Variants in CNTN4 observed in about 807,000 individuals in gnomAD.
CNTN4 encodes the protein contactin 4.
Under a neutral mutation model 122.5 loss-of-function variants are expected in CNTN4, and 77 were observed. The observed-to-expected ratio is 0.63, with a 90% CI of 0.52 to 0.76. The LOEUF (loss-of-function observed/expected upper bound fraction) is 0.76, where lower values mean the gene tolerates loss of function less well. Ranked by LOEUF, CNTN4 falls within the 30% of genes least tolerant of loss-of-function variation. CNTN4 has a pLI of 0.00. For synonymous variants in CNTN4, 512 were observed against 447.0 expected (o/e 1.15, Z -1.83); for missense variants, 1,256 against 1,259.1 (o/e 1.00, Z 0.04).
At chr3:2,917,009 A>G (rs189157744) in intron 12 of CNTN4, among the ~76,000 whole-genome samples, 2,009 of 125,230 alleles carry the variant, frequency 0.016, 419 homozygotes, top group East Asian at 0.074. Flanking sequence ...CAGCCTGGGC[A>G]CCATTGAGCA....
At chr3:2,103,947 C>A (rs752106564) in intron 2 of CNTN4, among the ~76,000 whole-genome samples, 1 of 152,024 alleles carries the variant, frequency 6.6e-6, no homozygotes, top group African/African-American at 2.4e-5. Context: ...CAATAGTAAG[C>A]GTATACTTTT....
chr3:2,109,003 A>G lies in CNTN4; in HGVS notation c.-145+8364A>G, dbSNP rs1035923579. On this transcript the variant is annotated intron_variant, in intron 2 of 24. Transcript: ENST00000418658. ...TAAACAATGTTACTCAGAGTTTGTG[A>G]TAAGTGGGGCAAGCAAGTCAGTGAG... Among the ~76,000 whole-genome samples, 5 of 152,338 alleles carry G rather than the reference A, an allele frequency of 3.3e-5. No individual in the cohort carries two copies. The South Asian group carries it at 8.3e-4, about 25-fold the overall frequency.
At chr3:2,867,079 A>ATTTGG in intron 8 of CNTN4, 130 bp downstream of exon 8, 1 of 807,074 alleles carries the variant, frequency 1.2e-6, no homozygotes, top group East Asian at 2.7e-5. Flanking sequence ...TGCAGCCTAT[A>ATTTGG]TTTGGTACCC....
chr3:2,518,819 A>C (rs1559629384), intron 3 of CNTN4, among the ~76,000 whole-genome samples: 1 of 151,886 alleles, frequency 6.6e-6, no homozygotes, highest in Non-Finnish European at 1.5e-5. Flanking sequence ...TGTGGGCCTG[A>C]GACTTAAATC....
chr3:2,103,774 C>T (rs2032198538), intron 2 of CNTN4, among the ~76,000 whole-genome samples: 1 of 151,944 alleles, frequency 6.6e-6, no homozygotes, highest in South Asian at 2.1e-4. Flanking sequence ...GTATATATAT[C>T]CCAGGTACCG....
intron 2 of CNTN4, among the ~76,000 whole-genome samples, chr3:2,129,984 C>CATA (rs1264362493): frequency 6.6e-6 from 1 of 151,952 alleles, no homozygotes; most frequent in Non-Finnish European, 1.5e-5. Flanking sequence ...GCACCCAAAA[C>CATA]TATTTCTACT....
At chr3:2,911,121 T>TA (rs139432503) in intron 12 of CNTN4, among the ~76,000 whole-genome samples, 13,261 of 152,148 alleles carry the variant, frequency 0.087, 634 homozygotes, top group Middle Eastern at 0.14. Context: ...AAGTACTACC[T>TA]AAGGGAGTGG....
At chr3:2,588,697 G>A (rs1212471429) in intron 4 of CNTN4, among the ~76,000 whole-genome samples, 1 of 148,978 alleles carries the variant, frequency 6.7e-6, no homozygotes, top group South Asian at 2.1e-4. Context: ...CCTGATCTCT[G>A]TACAATCCAA....
At chr3:2,111,503 A>T (rs1180501843) in intron 2 of CNTN4, among the ~76,000 whole-genome samples, 1 of 152,100 alleles carries the variant, frequency 6.6e-6, no homozygotes, top group Non-Finnish European at 1.5e-5. Context: ...AATGAATCCC[A>T]TGTTTTAGGT....
chr3:2,496,753 A>T (rs2076463649), intron 3 of CNTN4, among the ~76,000 whole-genome samples: 1 of 152,214 alleles, frequency 6.6e-6, no homozygotes, highest in South Asian at 2.1e-4. Context: ...CCAAATGGAA[A>T]TATGTGATAT....
chr3:2,233,927 C>G (rs956961430), intron 2 of CNTN4, among the ~76,000 whole-genome samples: 1 of 151,934 alleles, frequency 6.6e-6, no homozygotes, highest in East Asian at 1.9e-4. Flanking sequence ...GAAAATCAAA[C>G]AAAAAAATCA....
At chr3:2,520,482 C>G (rs1374385511) in intron 3 of CNTN4, among the ~76,000 whole-genome samples, 2 of 151,714 alleles carry the variant, frequency 1.3e-5, no homozygotes, top group Non-Finnish European at 2.9e-5. Context: ...CAATGTTGGC[C>G]AGGCTGGTCT....
At chr3:2,339,893 C>G (rs1463779982) in intron 3 of CNTN4, among the ~76,000 whole-genome samples, 2 of 152,148 alleles carry the variant, frequency 1.3e-5, no homozygotes, top group African/African-American at 4.8e-5. Context: ...TTTGAAGGCT[C>G]TTAAGGAGGA....
At chr3:2,571,929 G>A (rs2619569) in intron 4 of CNTN4, among the ~76,000 whole-genome samples, 113,031 of 152,086 alleles carry the variant, frequency 0.74, 42,109 homozygotes, top group East Asian at 0.91. Context: ...GTGGATGGAC[G>A]TTTATCTGGA....
intron 3 of CNTN4, among the ~76,000 whole-genome samples, chr3:2,401,490 T>C (rs964355925): frequency 3.3e-5 from 5 of 152,170 alleles, no homozygotes; most frequent in African/African-American, 9.6e-5. Flanking sequence ...GTTTTCACTT[T>C]ATTATGTTTT....
At chr3:2,655,148 ATGTT>A (rs1559351702) in intron 4 of CNTN4, among the ~76,000 whole-genome samples, 3 of 152,154 alleles carry the variant, frequency 2.0e-5, no homozygotes, top group African/African-American at 7.2e-5. Context: ...TTTAGAAAAT[ATGTT>A]TGTTTTATTC....
chr3:2,239,364 C>G (rs1181923753), intron 2 of CNTN4, among the ~76,000 whole-genome samples: 1 of 152,114 alleles, frequency 6.6e-6, no homozygotes, highest in African/African-American at 2.4e-5. Context: ...TCTGCTAATG[C>G]TTGTCTAAGC....
intron 14 of CNTN4, among the ~76,000 whole-genome samples, chr3:3,001,474 T>TG (rs987320398): frequency 1.3e-5 from 2 of 152,200 alleles, no homozygotes; most frequent in African/African-American, 2.4e-5. Context: ...GGTTACAAAC[T>TG]GGTAGCTCTC....
chr3:2,403,484 C>T (rs1268157822), intron 3 of CNTN4, among the ~76,000 whole-genome samples: 3 of 152,140 alleles, frequency 2.0e-5, no homozygotes, highest in Non-Finnish European at 4.4e-5. Flanking sequence ...CCTGCTCTTC[C>T]TGTAAATCTC....
Sources: gnomAD v4.1 joint callset for allele counts (sites outside exome capture counted in the v4.1 genomes callset) on GRCh38, gnomAD v4.1.1 for gene constraint, MANE v1.5 for transcripts, NCBI Gene and HGNC (gene_info 2026-07-23, HGNC 2026-07-21) for gene names.